PARD3: variants seen among roughly 807,000 people sequenced by gnomAD.
The protein encoded by PARD3 is partitioning defective 3 homolog.
A neutral mutation model predicts 155.4 loss-of-function variants in PARD3; 75 were observed. The observed-to-expected ratio is 0.48, with a 90% CI of 0.40 to 0.58. The LOEUF (loss-of-function observed/expected upper bound fraction) is 0.58, where lower values mean the gene tolerates loss of function less well. PARD3 is among the 20% of genes least tolerant of loss of function. PARD3 has a pLI of 0.00. For missense variants in PARD3, 1,642 were observed against 1,721.7 expected (o/e 0.95, Z 0.82); for synonymous variants, 576 against 610.5 (o/e 0.94, Z 0.83).
At chr10:34,630,007 C>T (rs2490807) in intron 2 of PARD3, among the ~76,000 whole-genome samples, 78,592 of 151,996 alleles carry the variant, frequency 0.52, 23,249 homozygotes, top group African/African-American at 0.83. Context: ...CAGCGAAACA[C>T]GGCCTGTATT....
intron 1 of PARD3, among the ~76,000 whole-genome samples, chr10:34,783,210 ACTCT>A (rs909394002): frequency 6.6e-6 from 1 of 151,930 alleles, no homozygotes; most frequent in African/African-American, 2.4e-5. Flanking sequence ...TTCTAAATAC[ACTCT>A]CTAAAATACA....
At chr10:34,362,694 C>T (rs1839567438) in intron 12 of PARD3, among the ~76,000 whole-genome samples, 1 of 152,156 alleles carries the variant, frequency 6.6e-6, no homozygotes, top group Non-Finnish European at 1.5e-5. Context: ...GGGGTTTCAC[C>T]ATGTTGGCCA....
In PARD3 at chr10:34,265,722, C is replaced by T. The variant is rs150919257; in HGVS notation, c.3419+3935G>A. The stretch of plus-strand genomic sequence containing the variant: ...AGCATATTCTAGATCTTCTTACAGG[C>T]GTGTCATTTCACTGTCTGAATTTGG... On this transcript the variant is annotated intron_variant, in intron 22 of 24. Coordinates refer to ENST00000374788, the MANE Select transcript of PARD3 (RefSeq NM_001184785.2). Among the ~76,000 whole-genome samples, 1,232 of 152,268 alleles carry T rather than the reference C, an allele frequency of 8.1e-3. 17 individuals carry two copies. Among genetic ancestry groups the T allele is most frequent in the African/African-American group, 0.028 (1,152 of 41,556 alleles).
At chr10:34,538,699 G>A (rs1031453392) in intron 2 of PARD3, among the ~76,000 whole-genome samples, 1 of 152,226 alleles carries the variant, frequency 6.6e-6, no homozygotes, top group African/African-American at 2.4e-5. Flanking sequence ...GAGCTGGGCA[G>A]AAAGAATGAA....
Position 34,331,121 on chromosome 10 carries a change from C to A in PARD3, c.2829G>T (p.Glu943Asp). 2 of 1,611,182 alleles carry A rather than the reference C, an allele frequency of 1.2e-6. No homozygotes were observed. The highest frequency in any genetic ancestry group is 1.7e-6 in the Non-Finnish European group (2 of 1,177,410). Residue 943 changes from glutamate (E) to aspartate (D), a missense_variant, in exon 19 of 25, where the codon GAG becomes GAT. Glu to Asp is a conservative substitution (Grantham distance 45). This residue lies in a region of PARD3 where 1,529 missense variants were observed against 1,587.3 expected (regional missense o/e 0.96). Coordinates refer to ENST00000374788, the MANE Select transcript of PARD3 (RefSeq NM_001184785.2). ...PAVDDDDEGM[E>D]TLEEDTEESS... ...TTTCAGCCATTATAAACTTACAGGTCTCCATGCCTTCATCATCATCATCTA... is the reference window on the plus strand; with the variant it reads ...TTTCAGCCATTATAAACTTACAGGTATCCATGCCTTCATCATCATCATCTA...
At chr10:34,537,194 G>T (rs2083286319) in intron 2 of PARD3, among the ~76,000 whole-genome samples, 1 of 152,032 alleles carries the variant, frequency 6.6e-6, no homozygotes, top group Admixed American at 6.6e-5. Context: ...GTAGAGACAG[G>T]GTCTCAATGT....
chr10:34,285,576 A>C (rs912844163), intron 20 of PARD3, among the ~76,000 whole-genome samples: 8 of 137,966 alleles, frequency 5.8e-5, no homozygotes, highest in Admixed American at 1.4e-4. Context: ...ACCTTATTTC[A>C]AAAAAAAAAA....
At position 34,111,692 on chromosome 10, in the gene PARD3, A is replaced by C. The variant is rs981046920; in HGVS notation, c.3669-130T>G. The C allele has an allele frequency of 2.2e-5, 16 of 741,838 alleles. No homozygotes were observed. In the African/African-American group the frequency reaches 2.5e-4, roughly 11 times the overall value. 46.0% of individuals were successfully genotyped at this position (741,838 alleles called of 1,614,324 possible). A position where few individuals can be genotyped will look rare whatever the true frequency, so the allele number is the denominator to read the frequency against. The stretch of plus-strand genomic sequence containing the variant: ...TATTCCTGTTCTCTCATCACATGCC[A>C]GACACTGCGATAGGGGCTGGAGAAT... On this transcript the variant is annotated intron_variant, in intron 24 of 24. Coordinates refer to ENST00000374788, the MANE Select transcript of PARD3 (RefSeq NM_001184785.2).
chr10:34,805,542 C>CATATATACATATAT (rs1554837163), intron 1 of PARD3, among the ~76,000 whole-genome samples: 2 of 140,780 alleles, frequency 1.4e-5, no homozygotes, highest in East Asian at 4.2e-4. Context: ...CACGTATGTG[C>CATATATACATATAT]ATATATATAT....
intron 15 of PARD3, chr10:34,344,348 T>C: frequency 1.1e-6 from 1 of 897,510 alleles, no homozygotes; most frequent in Non-Finnish European, 1.3e-6. Flanking sequence ...TGTGGTACGA[T>C]TTCAGCTCAA....
intron 22 of PARD3, among the ~76,000 whole-genome samples, chr10:34,232,898 G>A (rs1269432277): frequency 1.3e-5 from 2 of 151,666 alleles, no homozygotes; most frequent in Non-Finnish European, 2.9e-5. Flanking sequence ...ACGAGATCTC[G>A]CTATGTTGCC....
At chr10:34,218,849 G>T (rs1480436442) in intron 22 of PARD3, among the ~76,000 whole-genome samples, 1 of 152,034 alleles carries the variant, frequency 6.6e-6, no homozygotes, top group Non-Finnish European at 1.5e-5. Context: ...AAGAAAAAGG[G>T]TGAAAACCTA....
intron 1 of PARD3, among the ~76,000 whole-genome samples, chr10:34,712,077 A>G (rs969296383): frequency 2.6e-5 from 4 of 152,132 alleles, no homozygotes; most frequent in African/African-American, 9.7e-5. Context: ...AGCCCCGATA[A>G]ATATCTTACT....
chr10:34,432,951 G>A (rs1374849433), intron 5 of PARD3, among the ~76,000 whole-genome samples: 2 of 152,120 alleles, frequency 1.3e-5, no homozygotes, highest in African/African-American at 2.4e-5. Context: ...AATGTCAGAG[G>A]AGTGAAGAGG....
intron 3 of PARD3, among the ~76,000 whole-genome samples, chr10:34,482,434 G>A (rs2079143463): frequency 6.6e-6 from 1 of 152,216 alleles, no homozygotes; most frequent in Non-Finnish European, 1.5e-5. Context: ...GTCTCCCAAA[G>A]CGCTGGGATT....
chr10:34,359,163 A>T lies in PARD3; in HGVS notation c.2051T>A (p.Ile684Lys), dbSNP rs1360491886. 6.2e-7 allele frequency: 1 copy of T among 1,613,222 alleles called. No homozygotes were observed. Reference sequence around the variant, plus strand: ...ATTTCTTACCTCATTGCACTTGCTTATTCTCCTTGCAACAATAAGCTGGAT... The same window carrying T: ...ATTTCTTACCTCATTGCACTTGCTTTTTCTCCTTGCAACAATAAGCTGGAT... ...GMIQLIVARR[I>K]SKCNELKSPG... is the part of the protein sequence containing the mutation. Residue 684 changes from isoleucine (I) to lysine (K), a missense_variant, in exon 14 of 25, where the codon ATA becomes AAA. By Grantham distance (102) the Ile-to-Lys change is moderately radical. This residue lies in a region of PARD3 where 1,529 missense variants were observed against 1,587.3 expected (regional missense o/e 0.96). Coordinates refer to ENST00000374788, the MANE Select transcript of PARD3 (RefSeq NM_001184785.2).
At chr10:34,680,163 G>A (rs573710142) in intron 2 of PARD3, among the ~76,000 whole-genome samples, 1 of 152,208 alleles carries the variant, frequency 6.6e-6, no homozygotes, top group Admixed American at 6.5e-5. Context: ...TGAATACTAT[G>A]AATACCTGCA....
chr10:34,425,163 G>A (rs1267812834), intron 5 of PARD3, among the ~76,000 whole-genome samples: 1 of 150,616 alleles, frequency 6.6e-6, no homozygotes, highest in East Asian at 2.0e-4. Flanking sequence ...GAATATTTTT[G>A]CTCACCCTCC....
intron 23 of PARD3, among the ~76,000 whole-genome samples, chr10:34,125,608 G>A (rs915430533): frequency 2.6e-5 from 4 of 152,222 alleles, no homozygotes; most frequent in African/African-American, 9.6e-5. Context: ...TGCTATGACT[G>A]CCTTGCCAAT....
Sources: gnomAD v4.1 joint callset for allele counts (sites outside exome capture counted in the v4.1 genomes callset) on GRCh38, gnomAD v4.1.1 for gene constraint, gnomAD v4.1.1 regional missense constraint, MANE v1.5 for transcripts, NCBI Gene and HGNC (gene_info 2026-07-23, HGNC 2026-07-21) for gene names.